The following FHAD1 variants were observed in gnomAD, a reference collection of about 807,000 sequenced individuals.
The protein encoded by FHAD1 is forkhead associated phosphopeptide binding domain 1, also known as forkhead-associated domain-containing protein 1.
In FHAD1, 146 loss-of-function variants were observed where a neutral mutation model predicts 191.3. That is an observed-to-expected ratio of 0.76 (90% CI 0.67 to 0.88). The LOEUF is 0.88. Among genes scored for constraint, FHAD1 ranks in the 40% least tolerant of loss-of-function variants. The pLI is 0.00. For synonymous variants in FHAD1, 616 were observed against 672.3 expected (o/e 0.92, Z 1.29); for missense variants, 1,635 against 1,785.8 (o/e 0.92, Z 1.52).
intron 33 of FHAD1, 98 bp from the exon 34 acceptor site, chr1:15,397,199 A>T: frequency 1.7e-6 from 1 of 573,018 alleles, no homozygotes. Context: ...TCAAAAAAAA[A>T]AAATTAAATA....
At chr1:15,355,137 A>T (rs35557392) in intron 20 of FHAD1, among the ~76,000 whole-genome samples, 1 of 151,332 alleles carries the variant, frequency 6.6e-6, no homozygotes, top group Non-Finnish European at 1.5e-5. Flanking sequence ...TGAACCCGGG[A>T]GGCAGAGGTT....
chr1:15,238,207 A>T (rs1043958263), intron 1 of FHAD1, among the ~76,000 whole-genome samples: 2 of 138,250 alleles, frequency 1.4e-5, no homozygotes, highest in Non-Finnish European at 3.0e-5. Flanking sequence ...AGACTGCACC[A>T]CTGCACTCCA....
rs937163750 is a variant in FHAD1, at chr1:15,381,162, T to A, written c.3802-69T>A. On this transcript the variant is annotated intron_variant, in intron 29 of 33. Transcript: ENST00000688493. The surrounding 1 kb of genome is among the most constrained non-coding windows in gnomAD (Gnocchi z 4.6). ...AAAGTGAATGAAACAGAATTAGACA[T>A]TGGCCTCCTTAAAGCGGCCACCAGC... is the stretch of plus-strand genomic sequence containing the variant. 54 of 1,003,410 alleles carry A rather than the reference T, an allele frequency of 5.4e-5. No homozygotes were observed. The highest frequency in any genetic ancestry group is 7.1e-5 in the Non-Finnish European group (47 of 664,416). The allele number at this position is 1,003,410 out of a possible 1,614,324, so 62.2% of individuals were successfully genotyped here. A position where few individuals can be genotyped will look rare whatever the true frequency, so the allele number is the denominator to read the frequency against.
intron 5 of FHAD1, among the ~76,000 whole-genome samples, chr1:15,299,835 G>C (rs989570063): frequency 6.6e-6 from 1 of 152,248 alleles, no homozygotes; most frequent in African/African-American, 2.4e-5. Flanking sequence ...GCAAAGGGCT[G>C]CCCCAGAGCA....
downstream of FHAD1, chr1:15,399,909 A>G (rs1707022029): frequency 6.6e-6 from 1 of 152,234 alleles, no homozygotes; most frequent in African/African-American, 2.4e-5. Flanking sequence ...CCTCTACCAT[A>G]TAGGCTCAAA....
At position 15,320,205 on chromosome 1, in the gene FHAD1, G is replaced by A. The variant is rs558501528; in HGVS notation, c.1365+2277G>A. On this transcript the variant is annotated intron_variant, in intron 10 of 33. Transcript: ENST00000688493. ...TGATTTTTAGCTTAATTACACTGTG[G>A]TCAGAGAACATTTTCTGTGTAACTT... 1.3e-4 allele frequency among the ~76,000 whole-genome samples: 20 copies of A among 152,196 alleles called. No homozygotes were observed. The South Asian group carries it at 2.7e-3, about 21-fold the overall frequency.
intron 21 of FHAD1, among the ~76,000 whole-genome samples, chr1:15,359,896 G>A (rs1437349830): frequency 2.0e-5 from 3 of 152,014 alleles, no homozygotes; most frequent in Admixed American, 1.3e-4. Context: ...CTTGCAGTGA[G>A]CCGAGATCGC....
chr1:15,257,204 G>A (rs949980234), intron 2 of FHAD1, among the ~76,000 whole-genome samples: 2 of 152,182 alleles, frequency 1.3e-5, no homozygotes, highest in Admixed American at 6.5e-5. Flanking sequence ...TGTTGGCATC[G>A]CCACACTGCC....
intron 3 of FHAD1, among the ~76,000 whole-genome samples, chr1:15,282,344 C>T (rs1237824267): frequency 1.3e-5 from 2 of 152,160 alleles, no homozygotes; most frequent in Non-Finnish European, 2.9e-5. Flanking sequence ...GTAGCACATT[C>T]TTTATAAATA....
intron 5 of FHAD1, among the ~76,000 whole-genome samples, chr1:15,300,133 C>A (rs1428413613): frequency 6.6e-6 from 1 of 152,218 alleles, no homozygotes; most frequent in African/African-American, 2.4e-5. Flanking sequence ...TGTTCTCAAT[C>A]TTCCTGATAT....
intron 20 of FHAD1, among the ~76,000 whole-genome samples, chr1:15,354,797 G>T (rs144187659): frequency 6.6e-6 from 1 of 152,174 alleles, no homozygotes; most frequent in Non-Finnish European, 1.5e-5. Context: ...CCAACTGCTC[G>T]TGGAAATATG....
intron 20 of FHAD1, among the ~76,000 whole-genome samples, chr1:15,353,704 C>CAACAAAAAAAAAAAAAAAAAA (rs1691661712): frequency 1.6e-5 from 1 of 60,974 alleles, no homozygotes; most frequent in African/African-American, 6.6e-5. Flanking sequence ...GACTCCATCT[C>CAACAAAAAAAAAAAAAAAAAA]AAAAAAAAAA....
At chr1:15,301,117 A>T in intron 5 of FHAD1, 88 bp from the exon 6 acceptor site, 1 of 1,183,034 alleles carries the variant, frequency 8.5e-7, no homozygotes, top group Non-Finnish European at 1.2e-6. Context: ...GGCGTGAGCC[A>T]CCGCACCCGG....
chr1:15,272,216 C>T (rs147237287), intron 2 of FHAD1, 107 bp from the exon 3 acceptor site: 12 of 972,116 alleles, frequency 1.2e-5, no homozygotes, highest in East Asian at 1.1e-4. Flanking sequence ...TGAGGATTGT[C>T]GTGATGATCT....
intron 31 of FHAD1, among the ~76,000 whole-genome samples, chr1:15,385,383 GA>G (rs1701885624): frequency 6.6e-6 from 1 of 151,918 alleles, no homozygotes; most frequent in Admixed American, 6.6e-5. Context: ...TCTGGGAAAC[GA>G]AATTACTCAC....
chr1:15,253,796 T>C (rs1647077963), intron 2 of FHAD1, among the ~76,000 whole-genome samples: 1 of 152,206 alleles, frequency 6.6e-6, no homozygotes, highest in Non-Finnish European at 1.5e-5. Flanking sequence ...TTTTATTTTC[T>C]TGAGATGTTG....
chr1:15,296,291 T>C (rs1225363671), intron 4 of FHAD1, among the ~76,000 whole-genome samples: 1 of 150,326 alleles, frequency 6.7e-6, no homozygotes, highest in Admixed American at 6.6e-5. Flanking sequence ...TCTCGCTCTG[T>C]CACCCAGGCT....
In FHAD1 at chr1:15,311,839, G is replaced by A. The variant is rs191692435; in HGVS notation, c.1040-1218G>A. 4.6e-5 allele frequency among the ~76,000 whole-genome samples: 7 copies of A among 152,258 alleles called. No individual in the cohort carries two copies. Among genetic ancestry groups the A allele is most frequent in the Non-Finnish European group, 7.4e-5 (5 of 68,026 alleles). Reference sequence around the variant, plus strand: ...AGCAACAAATATGTTTATCTTACCCGGTTTCTGTGGTTCAGGAACTTGGGA... The same window carrying A: ...AGCAACAAATATGTTTATCTTACCCAGTTTCTGTGGTTCAGGAACTTGGGA... On this transcript the variant is annotated intron_variant, in intron 7 of 33. Transcript: ENST00000688493. The surrounding 1 kb of genome is among the most constrained non-coding windows in gnomAD (Gnocchi z 4.1).
At chr1:15,309,786 T>C (rs77041005) in intron 7 of FHAD1, among the ~76,000 whole-genome samples, 9,118 of 152,120 alleles carry the variant, frequency 0.06, 291 homozygotes, top group African/African-American at 0.087. Context: ...AGATTGGACA[T>C]CCCTGGCTTA....
Sources: gnomAD v4.1 joint callset for allele counts (sites outside exome capture counted in the v4.1 genomes callset) on GRCh38, gnomAD v4.1.1 for gene constraint, Gnocchi (gnomAD v3.1) non-coding constraint, MANE v1.5 for transcripts, NCBI Gene and HGNC (gene_info 2026-07-23, HGNC 2026-07-21) for gene names.